Variants in TMEM232 observed in about 807,000 individuals in gnomAD.
The protein encoded by TMEM232 is transmembrane protein 232.
TMEM232 carries 80 observed loss-of-function variants against 78.8 expected under a neutral mutation model. That is an observed-to-expected ratio of 1.01 (90% CI 0.85 to 1.22). The LOEUF is 1.22. Among genes scored for constraint, TMEM232 ranks in the 50% most tolerant of loss-of-function variants. The probability of loss-of-function intolerance (pLI) is 0.00; values close to 1 mark genes in which losing one functional copy is unlikely to be tolerated. For missense variants in TMEM232, 881 were observed against 742.2 expected (o/e 1.19, Z -2.17); for synonymous variants, 297 against 254.3 (o/e 1.17, Z -1.60).
intron 11 of TMEM232, 151 bp downstream of exon 11, chr5:110,568,296 A>G: frequency 3.8e-6 from 3 of 782,766 alleles, no homozygotes; most frequent in Non-Finnish European, 1.9e-6. Flanking sequence ...TTAATCAAAA[A>G]TAGATCAGTG....
rs532139495 is a variant in TMEM232 at position 110,605,393 on chromosome 5, T to C, written c.1027-35A>G. Reference sequence around the variant, plus strand: ...GAAAATAGATATTTGATCATCAAAGTATATCTTTGCATATCAATAACTACA... The same window carrying C: ...GAAAATAGATATTTGATCATCAAAGCATATCTTTGCATATCAATAACTACA... On this transcript the variant is annotated intron_variant, in intron 9 of 13. Transcript: ENST00000455884. 74 of 1,523,840 alleles carry C rather than the reference T, an allele frequency of 4.9e-5. No homozygotes were observed. The African/African-American group carries it at 9.3e-4, about 19-fold the overall frequency. The allele number at this position is 1,523,840 out of a possible 1,614,324, so 94.4% of individuals were successfully genotyped here. A position where few individuals can be genotyped will look rare whatever the true frequency, so the allele number is the denominator to read the frequency against.
At chr5:110,560,553 AAAG>A (rs2149654986) in intron 11 of TMEM232, among the ~76,000 whole-genome samples, 1 of 146,572 alleles carries the variant, frequency 6.8e-6, no homozygotes, top group South Asian at 2.1e-4. Context: ...ATCATTAAAG[AAAG>A]AAGTTATATC....
chr5:110,429,912 C>G (rs1330001666), intron 12 of TMEM232: 1 of 151,734 alleles, frequency 6.6e-6, no homozygotes, highest in African/African-American at 2.4e-5. Context: ...GCTACCATAA[C>G]CTTTTCTTTA....
At chr5:110,545,095 T>C (rs1172888616) in intron 11 of TMEM232, among the ~76,000 whole-genome samples, 5 of 152,148 alleles carry the variant, frequency 3.3e-5, no homozygotes, top group Admixed American at 2.6e-4. Flanking sequence ...AAAAAGCATA[T>C]ATTTTATAGT....
Position 110,737,994 on chromosome 5 carries a change from A to G in TMEM232, c.-127T>C, listed in dbSNP as rs767886942. The G allele has an allele frequency of 7.0e-4, 161 of 228,820 alleles. 1 individual carries two copies. Among genetic ancestry groups the G allele is most frequent in the Non-Finnish European group, 1.0e-3 (110 of 108,750 alleles). 14.2% of individuals were successfully genotyped at this position (228,820 alleles called of 1,614,324 possible). A position where few individuals can be genotyped will look rare whatever the true frequency, so the allele number is the denominator to read the frequency against. On this transcript the variant is annotated splice_region_variant and 5_prime_UTR_variant, in exon 1 of 5. Coordinates refer to the TMEM232 transcript ENST00000512886. ...TAACCCATAAATATATACACCTACT[A>G]TACACCCATAAAAAATAAAAAGTGA...
intron 2 of TMEM232, among the ~76,000 whole-genome samples, chr5:110,654,231 C>T (rs1788719473): frequency 6.6e-6 from 1 of 152,140 alleles, no homozygotes; most frequent in Non-Finnish European, 1.5e-5. Context: ...CTGATGCCAG[C>T]TGGGCCAATT....
chr5:110,473,140 G>T (rs984293999), intron 12 of TMEM232, among the ~76,000 whole-genome samples: 5 of 150,962 alleles, frequency 3.3e-5, no homozygotes, highest in African/African-American at 1.2e-4. Flanking sequence ...ACCACCAACA[G>T]TGTGAAGAGA....
chr5:110,735,479 CTTA>C (rs1259591188), intron 1 of TMEM232, among the ~76,000 whole-genome samples: 3 of 152,028 alleles, frequency 2.0e-5, no homozygotes, highest in Admixed American at 6.5e-5. Context: ...TAAAAATTTC[CTTA>C]TTATTAGTTT....
chr5:110,710,375 A>G (rs191269098), intron 1 of TMEM232, among the ~76,000 whole-genome samples: 257 of 152,250 alleles, frequency 1.7e-3, no homozygotes, highest in Non-Finnish European at 2.5e-3. Context: ...GGAGGAAGGA[A>G]TATCTCTAAA....
intron 11 of TMEM232, among the ~76,000 whole-genome samples, chr5:110,551,150 T>TA (rs1774409112): frequency 6.6e-6 from 1 of 152,306 alleles, no homozygotes; most frequent in South Asian, 2.1e-4. Flanking sequence ...CTTGAACACT[T>TA]ACTCAGTGAA....
intron 12 of TMEM232, among the ~76,000 whole-genome samples, chr5:110,445,881 C>CTAAGAGAGAAAT (rs1190874528): frequency 6.6e-6 from 1 of 152,076 alleles, no homozygotes; most frequent in African/African-American, 2.4e-5. Flanking sequence ...GTTAAAGTCC[C>CTAAGAGAGAAAT]TAAGAGAGAA....
chr5:110,631,402 A>G (rs886704809), intron 5 of TMEM232, among the ~76,000 whole-genome samples: 3 of 152,156 alleles, frequency 2.0e-5, no homozygotes, highest in Non-Finnish European at 4.4e-5. Flanking sequence ...CTGCAGCAGC[A>G]ATTGCTGCCA....
intron 5 of TMEM232, among the ~76,000 whole-genome samples, chr5:110,628,501 T>C (rs970343025): frequency 6.6e-6 from 1 of 152,032 alleles, no homozygotes; most frequent in African/African-American, 2.4e-5. Context: ...AGTAAAAATA[T>C]AGTTTGTTTT....
At chr5:110,547,289 A>G (rs770857201) in intron 11 of TMEM232, among the ~76,000 whole-genome samples, 6 of 152,202 alleles carry the variant, frequency 3.9e-5, no homozygotes, top group Non-Finnish European at 7.4e-5. Flanking sequence ...TCTTTTACTC[A>G]GCAAAATTAC....
chr5:110,478,588 A>G (rs1334214318), intron 12 of TMEM232, among the ~76,000 whole-genome samples: 1 of 151,942 alleles, frequency 6.6e-6, no homozygotes, highest in Non-Finnish European at 1.5e-5. Flanking sequence ...TAAATTATAC[A>G]AAATAAGATT....
intron 11 of TMEM232, among the ~76,000 whole-genome samples, chr5:110,535,624 TC>T (rs1320864542): frequency 6.6e-6 from 1 of 152,184 alleles, no homozygotes; most frequent in African/African-American, 2.4e-5. Flanking sequence ...AAAGAGCTCC[TC>T]CTTTTTTTAC....
intron 1 of TMEM232, among the ~76,000 whole-genome samples, chr5:110,718,042 ATT>A (rs1797200215): frequency 6.6e-6 from 1 of 152,112 alleles, no homozygotes. Flanking sequence ...GGATCTGAAT[ATT>A]TTTGGTCTTT....
At chr5:110,556,316 C>A (rs1052855462) in intron 11 of TMEM232, among the ~76,000 whole-genome samples, 11 of 150,552 alleles carry the variant, frequency 7.3e-5, no homozygotes, top group African/African-American at 2.2e-4. Flanking sequence ...TCCTTCCTTT[C>A]TTCTTTCCTT....
chr5:110,492,715 T>C (rs764353937), intron 12 of TMEM232, among the ~76,000 whole-genome samples: 1 of 152,026 alleles, frequency 6.6e-6, no homozygotes, highest in Admixed American at 6.6e-5. Context: ...TAACACATTC[T>C]CATTAGTCAC....
Sources: gnomAD v4.1 joint callset for allele counts (sites outside exome capture counted in the v4.1 genomes callset) on GRCh38, gnomAD v4.1.1 for gene constraint, MANE v1.5 for transcripts, NCBI Gene and HGNC (gene_info 2026-07-23, HGNC 2026-07-21) for gene names.